LRMDA: variants seen among roughly 807,000 people sequenced by gnomAD.
LRMDA encodes leucine rich melanocyte differentiation associated, also known as leucine-rich melanocyte differentiation-associated protein.
LRMDA carries 18 observed loss-of-function variants against 29.8 expected under a neutral mutation model. The ratio of observed to expected loss-of-function variants is 0.60; its 90% CI spans 0.42 to 0.90. The LOEUF (loss-of-function observed/expected upper bound fraction) is 0.90. Ranked by LOEUF, LRMDA falls within the 40% of genes least tolerant of loss-of-function variation. The pLI is 0.00. For synonymous variants in LRMDA, 125 were observed against 109.4 expected (o/e 1.14, Z -0.89); for missense variants, 273 against 273.9 (o/e 1.00, Z 0.02).
At chr10:75,568,120 T>C (rs1840396199) in intron 2 of LRMDA, among the ~76,000 whole-genome samples, 1 of 152,238 alleles carries the variant, frequency 6.6e-6, no homozygotes, top group Admixed American at 6.5e-5. Flanking sequence ...GGCCAGGGTA[T>C]GGCTGAGTGT....
chr10:75,737,274 ACTCT>A (rs915331124), intron 2 of LRMDA, among the ~76,000 whole-genome samples: 1 of 152,154 alleles, frequency 6.6e-6, no homozygotes, highest in Non-Finnish European at 1.5e-5. Flanking sequence ...GGATGGCAAA[ACTCT>A]CTCAGTAAAG....
At chr10:75,879,129 TC>T (rs1356509252) in intron 2 of LRMDA, among the ~76,000 whole-genome samples, 1 of 152,110 alleles carries the variant, frequency 6.6e-6, no homozygotes, top group East Asian at 1.9e-4. Context: ...CATCACAATA[TC>T]CTAATGCAGT....
chr10:75,893,297 C>A (rs1178517706), intron 2 of LRMDA, among the ~76,000 whole-genome samples: 1 of 152,048 alleles, frequency 6.6e-6, no homozygotes, highest in Non-Finnish European at 1.5e-5. Context: ...CTCCATCTGC[C>A]CTGAAATTAT....
At chr10:75,592,721 T>A (rs1012973757) in intron 2 of LRMDA, among the ~76,000 whole-genome samples, 1 of 152,246 alleles carries the variant, frequency 6.6e-6, no homozygotes. Context: ...AAAATGGCTG[T>A]CAATCTATTT....
intron 2 of LRMDA, among the ~76,000 whole-genome samples, chr10:75,562,281 T>C (rs1277413232): frequency 6.6e-6 from 1 of 152,186 alleles, no homozygotes; most frequent in Non-Finnish European, 1.5e-5. Context: ...TTTACCATTA[T>C]GTAATGGCCT....
At chr10:76,191,442 C>A (rs1406159947) in intron 5 of LRMDA, among the ~76,000 whole-genome samples, 6 of 152,154 alleles carry the variant, frequency 3.9e-5, no homozygotes, top group Non-Finnish European at 8.8e-5. Context: ...CACTTCATTC[C>A]TTCTAACCTT....
intron 5 of LRMDA, among the ~76,000 whole-genome samples, chr10:76,216,548 C>T (rs1329304199): frequency 6.6e-6 from 1 of 151,972 alleles, no homozygotes; most frequent in Non-Finnish European, 1.5e-5. Context: ...TATTTATAGC[C>T]AATTAATTTG....
intron 2 of LRMDA, among the ~76,000 whole-genome samples, chr10:75,490,989 T>C (rs2132060792): frequency 6.6e-6 from 1 of 152,236 alleles, no homozygotes; most frequent in Non-Finnish European, 1.5e-5. Context: ...TTTTTGTGGG[T>C]CTAGTGGACG....
At chr10:75,737,075 A>G (rs915050563) in intron 2 of LRMDA, among the ~76,000 whole-genome samples, 5 of 151,492 alleles carry the variant, frequency 3.3e-5, no homozygotes, top group African/African-American at 1.2e-4. Context: ...ACACACACAC[A>G]CACGCACATG....
At chr10:76,169,537 A>C (rs1589361581) in intron 5 of LRMDA, among the ~76,000 whole-genome samples, 1 of 152,114 alleles carries the variant, frequency 6.6e-6, no homozygotes, top group Non-Finnish European at 1.5e-5. Flanking sequence ...CTACATTAGC[A>C]TGTCTGAGGA....
chr10:75,459,938 C>T (rs1346996888), intron 2 of LRMDA, among the ~76,000 whole-genome samples: 2 of 152,192 alleles, frequency 1.3e-5, no homozygotes, highest in Non-Finnish European at 2.9e-5. Context: ...TATTAGGCTC[C>T]ACCTCCTAAC....
intron 6 of LRMDA, among the ~76,000 whole-genome samples, chr10:76,528,810 C>T (rs1843205156): frequency 6.6e-6 from 1 of 152,084 alleles, no homozygotes; most frequent in African/African-American, 2.4e-5. Context: ...TTCTATCTTC[C>T]AACAGACTGG....
chr10:76,372,260 A>G (rs113016037), intron 6 of LRMDA, among the ~76,000 whole-genome samples: 6 of 152,296 alleles, frequency 3.9e-5, no homozygotes, highest in African/African-American at 1.2e-4. Context: ...AGGGAGTACC[A>G]TAGCCCTGAT....
At chr10:76,267,780 C>T (rs1027271872) in intron 5 of LRMDA, among the ~76,000 whole-genome samples, 1 of 152,136 alleles carries the variant, frequency 6.6e-6, no homozygotes, top group Non-Finnish European at 1.5e-5. Flanking sequence ...TCATTTGACA[C>T]AACCAACTTG....
chr10:76,217,311 G>GC (rs1851745862), intron 5 of LRMDA, among the ~76,000 whole-genome samples: 1 of 152,132 alleles, frequency 6.6e-6, no homozygotes. Context: ...CATACACATA[G>GC]CAGCTATACC....
intron 2 of LRMDA, among the ~76,000 whole-genome samples, chr10:75,576,381 T>C (rs572072632): frequency 3.9e-5 from 6 of 152,322 alleles, no homozygotes; most frequent in South Asian, 2.1e-4. Flanking sequence ...CAGGGACTTA[T>C]AGATAAAACC....
chr10:75,475,378 T>C (rs1589154272), intron 2 of LRMDA, among the ~76,000 whole-genome samples: 1 of 143,380 alleles, frequency 7.0e-6, no homozygotes, highest in Non-Finnish European at 1.5e-5. Flanking sequence ...GAGGAAGGAG[T>C]CGTGCAGGAG....
intron 5 of LRMDA, among the ~76,000 whole-genome samples, chr10:76,224,375 C>T (rs1007580526): frequency 2.6e-5 from 4 of 151,800 alleles, no homozygotes; most frequent in Non-Finnish European, 5.9e-5. Flanking sequence ...AGTTCGAGAC[C>T]AGCCTGGAGG....
chr10:76,025,262 A>C (rs1287072236), intron 2 of LRMDA, among the ~76,000 whole-genome samples: 1 of 148,542 alleles, frequency 6.7e-6, no homozygotes, highest in East Asian at 2.0e-4. Flanking sequence ...GATGGGAGCA[A>C]AACATGGAGG....
Sources: allele counts gnomAD v4.1 joint callset (sites outside exome capture counted in the v4.1 genomes callset), GRCh38; gene constraint gnomAD v4.1.1; transcripts MANE v1.5; gene names NCBI Gene and HGNC (gene_info 2026-07-23, HGNC 2026-07-21).